The following GRM7 variants were observed in gnomAD, a reference collection of about 807,000 sequenced individuals.
GRM7 encodes glutamate metabotropic receptor 7.
In GRM7, 35 loss-of-function variants were observed where a neutral mutation model predicts 84.5. That is an observed-to-expected ratio of 0.41 (90% CI 0.32 to 0.55). GRM7 has a LOEUF of 0.55. GRM7 is among the 20% of genes least tolerant of loss of function. The probability of loss-of-function intolerance (pLI) is 0.19; values close to 1 mark genes in which losing one functional copy is unlikely to be tolerated. For missense variants in GRM7, 1,003 were observed against 1,194.6 expected (o/e 0.84, Z 2.36); for synonymous variants, 487 against 455.1 (o/e 1.07, Z -0.89).
chr3:6,881,939 G>GTGTGTGTGTGTC (rs1695528930), intron 1 of GRM7, among the ~76,000 whole-genome samples: 1 of 151,854 alleles, frequency 6.6e-6, no homozygotes, highest in African/African-American at 2.4e-5. Flanking sequence ...GTGTGTGTGT[G>GTGTGTGTGTGTC]TGTGTGTGTG....
chr3:7,457,816 T>TG (rs1346568475), intron 6 of GRM7, among the ~76,000 whole-genome samples: 2 of 152,206 alleles, frequency 1.3e-5, no homozygotes, highest in African/African-American at 2.4e-5. Flanking sequence ...CCACATATTC[T>TG]GGCTACAACC....
chr3:7,303,895 A>T (rs56129834), intron 3 of GRM7, among the ~76,000 whole-genome samples: 71,753 of 150,696 alleles, frequency 0.48, 18,705 homozygotes, highest in Non-Finnish European at 0.6. Context: ...TTATTCTTGA[A>T]TTATTTCCTC....
intron 9 of GRM7, among the ~76,000 whole-genome samples, chr3:7,698,615 C>T (rs1025111457): frequency 6.6e-6 from 1 of 152,156 alleles, no homozygotes; most frequent in African/African-American, 2.4e-5. Flanking sequence ...AGCTAAACCA[C>T]AGGCCTTTTC....
At chr3:7,125,176 G>C (rs576922081) in intron 1 of GRM7, among the ~76,000 whole-genome samples, 3 of 152,248 alleles carry the variant, frequency 2.0e-5, no homozygotes, top group Non-Finnish European at 2.9e-5. Flanking sequence ...CTGACCTCAA[G>C]TGTTCCGCCT....
At chr3:6,903,705 C>T (rs1048958528) in intron 1 of GRM7, among the ~76,000 whole-genome samples, 17 of 152,128 alleles carry the variant, frequency 1.1e-4, no homozygotes, top group South Asian at 2.1e-4. Flanking sequence ...CTTTAATTCA[C>T]GAATTATTCC....
At chr3:6,974,644 C>T (rs765129275) in intron 1 of GRM7, among the ~76,000 whole-genome samples, 23 of 152,076 alleles carry the variant, frequency 1.5e-4, no homozygotes, top group Non-Finnish European at 2.5e-4. Flanking sequence ...AGGAAGAGGT[C>T]GTGATCAACT....
chr3:7,366,178 C>G (rs957419863), intron 4 of GRM7, among the ~76,000 whole-genome samples: 5 of 151,802 alleles, frequency 3.3e-5, no homozygotes, highest in African/African-American at 1.2e-4. Flanking sequence ...CCCAAAAGGA[C>G]TTTAACAGCC....
intron 2 of GRM7, among the ~76,000 whole-genome samples, chr3:7,267,807 T>C (rs1698700644): frequency 1.3e-5 from 2 of 152,176 alleles, no homozygotes; most frequent in Non-Finnish European, 1.5e-5. Context: ...ATGGTGAGTT[T>C]TGGCTCTTTG....
At chr3:7,403,728 A>AATATCTGTGT (rs1239828471) in intron 4 of GRM7, among the ~76,000 whole-genome samples, 3 of 50,938 alleles carry the variant, frequency 5.9e-5, no homozygotes, top group East Asian at 3.5e-4. Context: ...TATAGATGAG[A>AATATCTGTGT]ATATCTGTGT....
At chr3:7,045,026 TTC>T (rs1378689469) in intron 1 of GRM7, among the ~76,000 whole-genome samples, 1 of 152,210 alleles carries the variant, frequency 6.6e-6, no homozygotes, top group African/African-American at 2.4e-5. Context: ...CTGTTTCTAT[TTC>T]TGTTTCTTGC....
chr3:7,044,970 A>T (rs1289663395), intron 1 of GRM7, among the ~76,000 whole-genome samples: 1 of 152,084 alleles, frequency 6.6e-6, no homozygotes, highest in East Asian at 1.9e-4. Context: ...AAAGCATTTC[A>T]TTTCTATTCT....
chr3:7,005,025 A>T (rs1695134891), intron 1 of GRM7, among the ~76,000 whole-genome samples: 1 of 152,162 alleles, frequency 6.6e-6, no homozygotes. Context: ...TCTACATCAC[A>T]CCCTGTAAGA....
At chr3:7,086,047 AT>A (rs1190695863) in intron 1 of GRM7, among the ~76,000 whole-genome samples, 1 of 110,404 alleles carries the variant, frequency 9.1e-6, no homozygotes, top group Non-Finnish European at 1.8e-5. Flanking sequence ...ATTTGCAAAA[AT>A]TATTTTTTTT....
At chr3:7,232,041 C>G (rs1007194130) in intron 2 of GRM7, among the ~76,000 whole-genome samples, 3 of 152,054 alleles carry the variant, frequency 2.0e-5, no homozygotes, top group Admixed American at 2.0e-4. Context: ...TGATGAATTC[C>G]TGGTGGAGAA....
At chr3:7,196,366 C>T (rs1029850942) in intron 2 of GRM7, among the ~76,000 whole-genome samples, 1 of 152,032 alleles carries the variant, frequency 6.6e-6, no homozygotes, top group South Asian at 2.1e-4. Flanking sequence ...AATATTTGGC[C>T]ACTCATCTGG....
chr3:7,591,025 A>G (rs1400350483), intron 8 of GRM7, among the ~76,000 whole-genome samples: 1 of 152,226 alleles, frequency 6.6e-6, no homozygotes, highest in Non-Finnish European at 1.5e-5. Flanking sequence ...GAATGAAAGA[A>G]GGAATGAATG....
chr3:7,209,126 T>C (rs1367868124), intron 2 of GRM7, among the ~76,000 whole-genome samples: 5 of 152,182 alleles, frequency 3.3e-5, no homozygotes, highest in Non-Finnish European at 2.9e-5. Context: ...TCAAAGCCTA[T>C]TGTAAAATAA....
At chr3:7,689,861 G>A (rs543982401) in intron 9 of GRM7, among the ~76,000 whole-genome samples, 1 of 152,248 alleles carries the variant, frequency 6.6e-6, no homozygotes, top group South Asian at 2.1e-4. Context: ...CTGACTAGGA[G>A]TGGGGGACAG....
At chr3:7,209,135 A>T (rs985260739) in intron 2 of GRM7, among the ~76,000 whole-genome samples, 1 of 152,218 alleles carries the variant, frequency 6.6e-6, no homozygotes, top group African/African-American at 2.4e-5. Flanking sequence ...ATTGTAAAAT[A>T]AAGTATTGAA....
Sources: allele counts gnomAD v4.1 joint callset (sites outside exome capture counted in the v4.1 genomes callset), GRCh38; gene constraint gnomAD v4.1.1; transcripts MANE v1.5; gene names NCBI Gene and HGNC (gene_info 2026-07-23, HGNC 2026-07-21).